Variants in PRSS41 observed in about 807,000 individuals in gnomAD.
PRSS41 encodes serine protease 41, also known as protease, serine 41.
Under a neutral mutation model 28.8 loss-of-function variants are expected in PRSS41, and 37 were observed. The observed-to-expected ratio is 1.29, with a 90% CI of 0.99 to 1.69. PRSS41 has a LOEUF of 1.69. Ranked by LOEUF, PRSS41 falls within the 40% of genes most tolerant of loss-of-function variation. The pLI, the probability that PRSS41 is intolerant of heterozygous loss-of-function variation, is 0.00. For synonymous variants in PRSS41, 195 were observed against 163.1 expected, an observed-to-expected ratio of 1.20 and a Z score of -1.49; for missense variants, 431 against 400.7, an observed-to-expected ratio of 1.08 and a Z score of -0.65.
intron 4 of PRSS41, among the ~76,000 whole-genome samples, chr16:2,801,965 G>T (rs1402750816): frequency 1.4e-5 from 2 of 147,146 alleles, no homozygotes; most frequent in African/African-American, 5.2e-5. Context: ...TGGCCGGGCG[G>T]GGGGCTGACC....
At chr16:2,799,382 G>T (rs2068970830) in exon 4 of PRSS41, 1 of 1,552,040 alleles carries the variant, frequency 6.4e-7, no homozygotes, top group Non-Finnish European at 8.7e-7. Context: ...GTTACAAAGT[G>T]CAGGACATCA....
At chr16:2,800,655 G>C (rs2068980207) in intron 4 of PRSS41, among the ~76,000 whole-genome samples, 1 of 152,094 alleles carries the variant, frequency 6.6e-6, no homozygotes, top group Non-Finnish European at 1.5e-5. Flanking sequence ...CGAATGGTGA[G>C]TGAATGTGAA....
At chr16:2,799,440 C>A in exon 4 of PRSS41, 1 of 1,552,222 alleles carries the variant, frequency 6.4e-7, no homozygotes, top group Non-Finnish European at 8.7e-7. Flanking sequence ...CATTGCCCTG[C>A]TGAGACTGGC....
intron 3 of PRSS41, 61 bp downstream of exon 3, chr16:2,799,185 G>T (rs1422570590): frequency 2.7e-6 from 4 of 1,507,802 alleles, no homozygotes; most frequent in Non-Finnish European, 2.7e-6. Context: ...TGAGCAAACA[G>T]TAGCCACCCA....
intron 4 of PRSS41, among the ~76,000 whole-genome samples, chr16:2,802,102 G>A (rs541670018): frequency 1.6e-3 from 232 of 147,738 alleles, no homozygotes; most frequent in African/African-American, 5.4e-3. Flanking sequence ...GCTGCCGGGC[G>A]GAGAGGCTCC....
chr16:2,803,792 T>C (rs2069004021), intron 4 of PRSS41, among the ~76,000 whole-genome samples: 1 of 152,202 alleles, frequency 6.6e-6, no homozygotes, highest in Non-Finnish European at 1.5e-5. Flanking sequence ...TTCTTCTTCA[T>C]TTTTTTCCTG....
chr16:2,799,423 G>T (rs752512780), exon 4 of PRSS41: 10 of 1,552,032 alleles, frequency 6.4e-6, no homozygotes, highest in Non-Finnish European at 8.7e-6. Context: ...GGGGTTTTAC[G>T]CAATGACATT....
In PRSS41 at chr16:2,805,014, G is replaced by C. The variant is rs757796516; in HGVS notation, c.800G>C (p.Gly267Ala). Residue 267 changes from glycine (G) to alanine (A), a missense_variant, in exon 6 of 6, where the codon GGT becomes GCT. Gly to Ala is a moderately conservative substitution (Grantham distance 60). Coordinates refer to ENST00000399677, the Ensembl canonical transcript of PRSS41. Reference sequence around the variant, plus strand: ...GACTGCGGTCAACCCAATCGGCCTGGTGTCTACACCAACATCAGTGTGTAC... The same window carrying C: ...GACTGCGGTCAACCCAATCGGCCTGCTGTCTACACCAACATCAGTGTGTAC... 9 of 1,569,402 alleles carry C rather than the reference G, an allele frequency of 5.7e-6. No homozygotes were observed. In the South Asian group the frequency reaches 1.1e-4, roughly 18 times the overall value.
intron 4 of PRSS41, among the ~76,000 whole-genome samples, chr16:2,801,666 C>G (rs2150799034): frequency 6.6e-6 from 1 of 151,388 alleles, no homozygotes; most frequent in African/African-American, 2.4e-5. Flanking sequence ...GGTAAGGTCA[C>G]AGATCAACAG....
chr16:2,799,843 A>G (rs1465523330), intron 4 of PRSS41, among the ~76,000 whole-genome samples: 3 of 152,194 alleles, frequency 2.0e-5, no homozygotes, highest in African/African-American at 7.2e-5. Context: ...GGCCTGAAGG[A>G]GTGAGGGGGA....
chr16:2,804,624 C>T lies in PRSS41; in HGVS notation c.699+78C>T. The T allele has an allele frequency of 2.2e-6, 3 of 1,352,690 alleles. 1 individual carries two copies. In the South Asian group the frequency reaches 3.9e-5, roughly 18 times the overall value. 83.8% of individuals were successfully genotyped at this position (1,352,690 alleles called of 1,614,324 possible). On this transcript the variant is annotated intron_variant, in intron 5 of 5. Transcript: ENST00000399677. ...AGAGCAGCTACCATTTCTCCCCCAA[C>T]CACTCCCAACCCATTGCTTAGATTT...
chr16:2,800,948 C>T (rs1022797759), intron 4 of PRSS41, among the ~76,000 whole-genome samples: 1 of 151,988 alleles, frequency 6.6e-6, no homozygotes, highest in African/African-American at 2.4e-5. Context: ...ATGGAACATA[C>T]AACATATGAT....
At chr16:2,799,082 T>C in exon 3 of PRSS41, 1 of 1,533,442 alleles carries the variant, frequency 6.5e-7, no homozygotes, top group Non-Finnish European at 8.7e-7. Flanking sequence ...GGGAGCCTGC[T>C]CAGCCGCCGC....
chr16:2,798,522 T>TG lies in PRSS41; in HGVS notation c.40dup (p.Ala14GlyfsTer113). ...GGGGCGCTGCTGCTGGCGCTGCTGC[T>TG]GGCTCGGGCTGGACTCGGGAAGCCG... is the stretch of plus-strand genomic sequence containing the variant. On this transcript the variant is annotated frameshift_variant, in exon 1 of 6. Coordinates refer to ENST00000399677, the Ensembl canonical transcript of PRSS41. LOFTEE classifies it high-confidence loss of function. The TG allele has an allele frequency of 2.6e-6, 4 of 1,522,554 alleles. No individual in the cohort carries two copies. Among genetic ancestry groups the TG allele is most frequent in the Non-Finnish European group, 3.5e-6 (4 of 1,134,602 alleles). The allele number at this position is 1,522,554 out of a possible 1,614,324, so 94.3% of individuals were successfully genotyped here. A position where few individuals can be genotyped will look rare whatever the true frequency, so the allele number is the denominator to read the frequency against.
At chr16:2,805,007 C>T (rs372730122) in exon 6 of PRSS41, 34 of 1,573,544 alleles carry the variant, frequency 2.2e-5, no homozygotes, top group Middle Eastern at 1.7e-4. Context: ...TCAACCCAAT[C>T]GGCCTGGTGT....
At chr16:2,804,859 C>T (rs1048370630) in intron 5 of PRSS41, 55 bp from the exon 6 acceptor site, 3 of 1,391,858 alleles carry the variant, frequency 2.2e-6, no homozygotes, top group South Asian at 2.5e-5. Context: ...CTCTCATGGC[C>T]TCTGCTGCCC....
intron 4 of PRSS41, among the ~76,000 whole-genome samples, chr16:2,800,453 A>G (rs563889640): frequency 1.3e-5 from 2 of 151,718 alleles, no homozygotes; most frequent in African/African-American, 4.8e-5. Context: ...AGGCAGGAGA[A>G]TCGCTTGAAC....
Position 2,798,985 on chromosome 16 carries a change from G to T in PRSS41, c.118G>T (p.Ala40Ser), listed in dbSNP as rs58782004. ...GGCCTGCGGCCACCGGGAAATTCAC[G>T]CGCTGGTGGCGGGCGGAGTGGAGTC... The change falls in exon 3 of 6, where the codon GCG becomes TCG. Residue 40 changes from alanine to serine, a missense_variant. Transcript: ENST00000399677. 0.019 allele frequency: 28,783 copies of T among 1,481,002 alleles called. 2,618 individuals carry two copies. The African/African-American group carries it at 0.24, about 12-fold the overall frequency. 91.7% of individuals were successfully genotyped at this position (1,481,002 alleles called of 1,614,324 possible).
At chr16:2,804,627 C>T (rs2069009157) in intron 5 of PRSS41, 81 bp downstream of exon 5, 2 of 1,346,888 alleles carry the variant, frequency 1.5e-6, no homozygotes, top group African/African-American at 3.1e-5. Context: ...CCCCCAACCA[C>T]TCCCAACCCA....
Sources: allele counts gnomAD v4.1 joint callset (sites outside exome capture counted in the v4.1 genomes callset), GRCh38; gene constraint gnomAD v4.1.1; transcripts MANE v1.5; gene names NCBI Gene and HGNC (gene_info 2026-07-23, HGNC 2026-07-21).